Variants in CIMIP1 observed in about 807,000 individuals in gnomAD.
CIMIP1 encodes the protein ciliary microtubule inner protein 1, also known as low in lung cancer 1.
chr20:58,154,324 A>G, the CIMIP1 span, among the ~76,000 whole-genome samples: 3 of 152,244 alleles, frequency 2.0e-5, no homozygotes, highest in African/African-American at 7.2e-5. Flanking sequence ...AGCCAACTGC[A>G]TATTCCCATC....
chr20:58,158,757 A>G, the CIMIP1 span, among the ~76,000 whole-genome samples: 1 of 152,142 alleles, frequency 6.6e-6, no homozygotes, highest in African/African-American at 2.4e-5. Context: ...TTAATAGGTA[A>G]CCTTGATACC....
the CIMIP1 span, among the ~76,000 whole-genome samples, chr20:58,152,641 G>A: frequency 3.5e-5 from 5 of 143,196 alleles, no homozygotes; most frequent in Non-Finnish European, 7.5e-5. Flanking sequence ...AGAATTGCTT[G>A]AACCCAGGAG....
the CIMIP1 span, among the ~76,000 whole-genome samples, chr20:58,155,243 G>C: frequency 9.2e-5 from 14 of 152,366 alleles, no homozygotes; most frequent in South Asian, 1.2e-3. Context: ...CAGCAGGCCT[G>C]CGTTGAGGTC....
At chr20:58,160,561 TTTTC>T in the CIMIP1 span, 16 of 1,343,916 alleles carry the variant, frequency 1.2e-5, no homozygotes, top group African/African-American at 2.9e-5. Context: ...GGAGGCTGGC[TTTTC>T]TTTCTGTCTT....
chr20:58,155,087 T>C, the CIMIP1 span, among the ~76,000 whole-genome samples: 1 of 152,264 alleles, frequency 6.6e-6, no homozygotes, highest in Non-Finnish European at 1.5e-5. Flanking sequence ...ATTACAGGCA[T>C]GAGCCACCAC....
the CIMIP1 span, chr20:58,155,392 G>A: frequency 1.8e-5 from 22 of 1,245,450 alleles, 2 homozygotes; most frequent in Admixed American, 1.6e-4. Context: ...GAGGCTTCCC[G>A]TCTCTGGGGA....
At chr20:58,158,228 G>A in the CIMIP1 span, among the ~76,000 whole-genome samples, 1 of 152,210 alleles carries the variant, frequency 6.6e-6, no homozygotes, top group Admixed American at 6.5e-5. Flanking sequence ...CTAGGAGCAA[G>A]GGCCAGCTCT....
chr20:58,160,710 G>A, the CIMIP1 span: 4 of 1,614,036 alleles, frequency 2.5e-6, no homozygotes, highest in Middle Eastern at 1.6e-4. Flanking sequence ...TTCATCGGCT[G>A]GAGATCTGCA....
chr20:58,153,762 G>T, the CIMIP1 span: 6 of 664,388 alleles, frequency 9.0e-6, no homozygotes, highest in Non-Finnish European at 1.5e-5. Context: ...TAAACCAGAA[G>T]GTTCCCGCCT....
the CIMIP1 span, among the ~76,000 whole-genome samples, chr20:58,159,108 G>A: frequency 6.6e-6 from 1 of 151,098 alleles, no homozygotes; most frequent in African/African-American, 2.4e-5. Context: ...TACCTGTGTA[G>A]CTATCAGGAT....
chr20:58,158,322 C>T, the CIMIP1 span, among the ~76,000 whole-genome samples: 3 of 152,206 alleles, frequency 2.0e-5, no homozygotes, highest in African/African-American at 7.2e-5. Flanking sequence ...GGTCCCCAGC[C>T]TCTGCTTCCC....
the CIMIP1 span, among the ~76,000 whole-genome samples, chr20:58,152,969 C>T: frequency 2.6e-5 from 4 of 152,136 alleles, no homozygotes; most frequent in Non-Finnish European, 5.9e-5. Context: ...AAACTCAAAA[C>T]GATTGAATGT....
the CIMIP1 span, chr20:58,155,512 C>G: frequency 6.8e-6 from 11 of 1,614,178 alleles, 1 homozygote; most frequent in Middle Eastern, 3.3e-4. Context: ...AGCCCAAAAT[C>G]GAGCTTCCTG....
At chr20:58,159,740 C>A in the CIMIP1 span, among the ~76,000 whole-genome samples, 1 of 152,192 alleles carries the variant, frequency 6.6e-6, no homozygotes, top group Non-Finnish European at 1.5e-5. Flanking sequence ...TGCTTCCCTT[C>A]TGAACAATTT....
At chr20:58,160,834 G>A in the CIMIP1 span, 1 of 1,607,638 alleles carries the variant, frequency 6.2e-7, no homozygotes, top group East Asian at 2.2e-5. Context: ...TCCAGACGGA[G>A]TTCTGCCCAG....
At chr20:58,153,271 G>A in the CIMIP1 span, among the ~76,000 whole-genome samples, 2 of 152,236 alleles carry the variant, frequency 1.3e-5, no homozygotes, top group Non-Finnish European at 2.9e-5. Flanking sequence ...TACCTAGAAG[G>A]CTCCTCAGGC....
At chr20:58,156,212 C>T in the CIMIP1 span, among the ~76,000 whole-genome samples, 3 of 152,160 alleles carry the variant, frequency 2.0e-5, no homozygotes, top group Non-Finnish European at 2.9e-5. Flanking sequence ...CATTTGGATA[C>T]GCTATGCTAG....
the CIMIP1 span, among the ~76,000 whole-genome samples, chr20:58,157,288 T>C: frequency 6.6e-6 from 1 of 152,204 alleles, no homozygotes; most frequent in Non-Finnish European, 1.5e-5. Context: ...CCGGATATTA[T>C]CATCCTCAAA....
the CIMIP1 span, among the ~76,000 whole-genome samples, chr20:58,151,573 C>A: frequency 4.2e-3 from 641 of 152,102 alleles, 6 homozygotes; most frequent in African/African-American, 0.015. Context: ...CCACCACACC[C>A]GGCTAATGTT....
Sources: allele counts gnomAD v4.1 joint callset (sites outside exome capture counted in the v4.1 genomes callset), GRCh38; gene constraint gnomAD v4.1.1; transcripts MANE v1.5; gene names NCBI Gene and HGNC (gene_info 2026-07-23, HGNC 2026-07-21).